Variants in ASPH observed in about 807,000 individuals in gnomAD.
ASPH encodes the protein aspartyl/asparaginyl beta-hydroxylase.
Under a neutral mutation model 118.4 loss-of-function variants are expected in ASPH, and 100 were observed. That is an observed-to-expected ratio of 0.84 (90% CI 0.72 to 1.00). ASPH has a LOEUF of 1.00. Ranked by LOEUF, ASPH falls within the 50% of genes least tolerant of loss-of-function variation. The pLI is 0.00. For synonymous variants in ASPH, 315 were observed against 325.6 expected, an observed-to-expected ratio of 0.97 and a Z score of 0.35; for missense variants, 920 against 919.5, an observed-to-expected ratio of 1.00 and a Z score of -0.01.
At chr8:61,654,289 C>T (rs770699001) in intron 3 of ASPH, among the ~76,000 whole-genome samples, 2 of 152,108 alleles carry the variant, frequency 1.3e-5, no homozygotes, top group Non-Finnish European at 2.9e-5. Flanking sequence ...AAAGTCAAGG[C>T]CAGTCTAAAA....
At chr8:61,703,735 C>T (rs905002143) in intron 1 of ASPH, among the ~76,000 whole-genome samples, 1 of 152,170 alleles carries the variant, frequency 6.6e-6, no homozygotes, top group African/African-American at 2.4e-5. Flanking sequence ...ATCATAAACC[C>T]TAGCATGCTT....
intron 16 of ASPH, among the ~76,000 whole-genome samples, chr8:61,572,523 G>T (rs1833757002): frequency 6.6e-6 from 1 of 152,124 alleles, no homozygotes; most frequent in Admixed American, 6.5e-5. Flanking sequence ...GTCAGTAACT[G>T]GCATTATCCT....
intron 12 of ASPH, among the ~76,000 whole-genome samples, chr8:61,636,630 G>A (rs1301900680): frequency 6.6e-6 from 1 of 152,162 alleles, no homozygotes; most frequent in Non-Finnish European, 1.5e-5. Context: ...TATGTCCTCT[G>A]TCAACATATC....
chr8:61,701,920 T>C (rs554258629), intron 1 of ASPH, among the ~76,000 whole-genome samples: 1 of 152,312 alleles, frequency 6.6e-6, no homozygotes, highest in African/African-American at 2.4e-5. Flanking sequence ...GCTGAAATAG[T>C]TACAATTTAA....
chr8:61,665,497 C>CT, intron 3 of ASPH: 1 of 1,565,576 alleles, frequency 6.4e-7, no homozygotes, highest in South Asian at 1.2e-5. Flanking sequence ...TTTTCTTATC[C>CT]TTTCGGACAT....
chr8:61,582,482 T>C (rs1179749355), intron 15 of ASPH, among the ~76,000 whole-genome samples: 1 of 152,234 alleles, frequency 6.6e-6, no homozygotes, highest in Non-Finnish European at 1.5e-5. Flanking sequence ...AAACAGTAGA[T>C]GGCTTCACTT....
chr8:61,551,005 AG>A (rs1219833836), intron 20 of ASPH, among the ~76,000 whole-genome samples: 3 of 152,138 alleles, frequency 2.0e-5, no homozygotes, highest in African/African-American at 7.2e-5. Flanking sequence ...GGAACCTAGG[AG>A]GAAAAACGGT....
At chr8:61,616,477 AG>A (rs1172269229) in intron 14 of ASPH, among the ~76,000 whole-genome samples, 9 of 152,328 alleles carry the variant, frequency 5.9e-5, no homozygotes, top group Middle Eastern at 3.4e-3. Flanking sequence ...AATGCATTAT[AG>A]TGAACCTCCC....
chr8:61,658,876 C>T (rs1206834719), intron 3 of ASPH: 1 of 152,156 alleles, frequency 6.6e-6, no homozygotes, highest in African/African-American at 2.4e-5. Context: ...AGTCACCATT[C>T]AATAAACAAA....
intron 21 of ASPH, among the ~76,000 whole-genome samples, chr8:61,528,889 T>G (rs1439285375): frequency 6.6e-6 from 1 of 152,228 alleles, no homozygotes; most frequent in African/African-American, 2.4e-5. Context: ...CAGAAGGGTC[T>G]CTCTGAACAC....
intron 1 of ASPH, among the ~76,000 whole-genome samples, chr8:61,686,984 G>A (rs1451317184): frequency 2.0e-5 from 3 of 151,816 alleles, no homozygotes; most frequent in African/African-American, 7.3e-5. Context: ...TGAGTATGTG[G>A]CCAAACAGAT....
intron 21 of ASPH, among the ~76,000 whole-genome samples, chr8:61,545,555 A>C (rs1823531192): frequency 6.6e-6 from 1 of 152,208 alleles, no homozygotes; most frequent in South Asian, 2.1e-4. Flanking sequence ...TGAGAAGTCC[A>C]TTTGGGGAAC....
chr8:61,585,870 A>T (rs978836545), intron 14 of ASPH, among the ~76,000 whole-genome samples: 1 of 152,086 alleles, frequency 6.6e-6, no homozygotes, highest in East Asian at 1.9e-4. Flanking sequence ...CTGGCACTAA[A>T]CTTTTCTGGG....
chr8:61,566,202 T>C (rs1265481725), intron 17 of ASPH, among the ~76,000 whole-genome samples: 1 of 152,184 alleles, frequency 6.6e-6, no homozygotes, highest in South Asian at 2.1e-4. Context: ...ATATAAAAAC[T>C]AACAGGAGTT....
chr8:61,708,910 A>G lies in ASPH; in HGVS notation c.103+5359T>C, dbSNP rs553126729. ...ACCCCTCAACCAAGTCAATTCACCA[A>G]TGCTCTCCGCTCTGGAGCACACATA... is the stretch of plus-strand genomic sequence containing the variant. On this transcript the variant is annotated intron_variant, in intron 1 of 24. Transcript: ENST00000379454. Among the ~76,000 whole-genome samples the G allele has an allele frequency of 3.2e-3, 418 of 129,148 alleles. 3 individuals carry two copies. The highest frequency in any genetic ancestry group is 8.0e-3 in the Admixed American group (92 of 11,556). 84.7% of individuals were successfully genotyped at this position (129,148 alleles called of 152,430 possible).
At chr8:61,589,229 T>G (rs117999167) in intron 14 of ASPH, among the ~76,000 whole-genome samples, 2,076 of 152,246 alleles carry the variant, frequency 0.014, 32 homozygotes, top group Non-Finnish European at 0.02. Flanking sequence ...AAAAGGTAAA[T>G]TTTACTGTAT....
intron 12 of ASPH, among the ~76,000 whole-genome samples, chr8:61,636,187 T>C (rs532710945): frequency 2.6e-5 from 4 of 152,096 alleles, no homozygotes; most frequent in Non-Finnish European, 5.9e-5. Context: ...CCTAACAGTA[T>C]GTGAAAGATG....
At chr8:61,637,829 G>T in intron 12 of ASPH, 118 bp downstream of exon 12, 1 of 923,420 alleles carries the variant, frequency 1.1e-6, no homozygotes, top group Non-Finnish European at 1.6e-6. Flanking sequence ...CTTCCCTCTT[G>T]TACTCCTAGC....
At chr8:61,659,479 G>A (rs1815599253) in intron 3 of ASPH, 1 of 152,252 alleles carries the variant, frequency 6.6e-6, no homozygotes, top group South Asian at 2.1e-4. Context: ...ACTTAACATG[G>A]AGCAATAAAT....
Sources: gnomAD v4.1 joint callset for allele counts (sites outside exome capture counted in the v4.1 genomes callset) on GRCh38, gnomAD v4.1.1 for gene constraint, MANE v1.5 for transcripts, NCBI Gene and HGNC (gene_info 2026-07-23, HGNC 2026-07-21) for gene names.